DOCK1: variants seen among roughly 807,000 people sequenced by gnomAD.
DOCK1 encodes the protein dedicator of cytokinesis 1.
In DOCK1, 138 loss-of-function variants were observed where a neutral mutation model predicts 262.7. The observed-to-expected ratio is 0.53, with a 90% CI of 0.46 to 0.61. The LOEUF (loss-of-function observed/expected upper bound fraction) is 0.61. DOCK1 is among the 20% of genes least tolerant of loss of function. The pLI is 0.00. For synonymous variants in DOCK1, 866 were observed against 867.4 expected, an observed-to-expected ratio of 1.00 and a Z score of 0.03; for missense variants, 1,908 against 2,370.7, an observed-to-expected ratio of 0.80 and a Z score of 4.05.
At chr10:127,425,659 G>A (rs989882150) in intron 46 of DOCK1, among the ~76,000 whole-genome samples, 8 of 152,040 alleles carry the variant, frequency 5.3e-5, no homozygotes, top group South Asian at 2.1e-4. Context: ...GGTGTAGGGC[G>A]CACCACACTG....
At chr10:127,323,882 GC>G (rs946651177) in intron 29 of DOCK1, among the ~76,000 whole-genome samples, 23 of 152,248 alleles carry the variant, frequency 1.5e-4, no homozygotes, top group African/African-American at 5.3e-4. Flanking sequence ...TGGCATCTGA[GC>G]TGGTGTTCAG....
At chr10:127,059,242 T>C (rs529981216) in intron 22 of DOCK1, among the ~76,000 whole-genome samples, 2 of 152,318 alleles carry the variant, frequency 1.3e-5, no homozygotes, top group South Asian at 4.1e-4. Context: ...GTTTGTCTCC[T>C]TTTCTGTGGT....
intron 4 of DOCK1, among the ~76,000 whole-genome samples, chr10:126,986,858 C>G (rs532779698): frequency 6.6e-6 from 1 of 152,026 alleles, no homozygotes; most frequent in East Asian, 1.9e-4. Context: ...TGCAGTGAGC[C>G]GAGATTGCAC....
At chr10:127,374,858 TC>T (rs1458771906) in intron 35 of DOCK1, among the ~76,000 whole-genome samples, 1 of 151,970 alleles carries the variant, frequency 6.6e-6, no homozygotes, top group Non-Finnish European at 1.5e-5. Context: ...CCAGGAAGGA[TC>T]CCCCCCTAGA....
intron 1 of DOCK1, among the ~76,000 whole-genome samples, chr10:126,964,423 G>T (rs892450381): frequency 3.3e-5 from 5 of 152,190 alleles, no homozygotes; most frequent in African/African-American, 1.2e-4. Context: ...GAGACCAGGC[G>T]GATGGCCCTA....
At chr10:127,158,130 T>C (rs1823700861) in intron 27 of DOCK1, among the ~76,000 whole-genome samples, 1 of 152,202 alleles carries the variant, frequency 6.6e-6, no homozygotes, top group Non-Finnish European at 1.5e-5. Context: ...GTTCTCCAAA[T>C]AGAGATGAAA....
chr10:127,442,568 T>TG (rs2070244325), intron 49 of DOCK1, among the ~76,000 whole-genome samples: 1 of 151,706 alleles, frequency 6.6e-6, no homozygotes, highest in East Asian at 1.9e-4. Context: ...AGGGCTTAGG[T>TG]GGGGGAAAGT....
chr10:127,215,021 G>C (rs1383974445), intron 27 of DOCK1, among the ~76,000 whole-genome samples: 1 of 152,142 alleles, frequency 6.6e-6, no homozygotes, highest in African/African-American at 2.4e-5. Flanking sequence ...ATCGTGTACA[G>C]TCTCCCTCGG....
intron 27 of DOCK1, among the ~76,000 whole-genome samples, chr10:127,161,954 T>A (rs1488222181): frequency 1.3e-5 from 2 of 152,242 alleles, no homozygotes; most frequent in Non-Finnish European, 2.9e-5. Flanking sequence ...TCCTGACAGT[T>A]AAGTAAAACT....
At chr10:127,229,007 T>C (rs2058742462) in intron 27 of DOCK1, among the ~76,000 whole-genome samples, 1 of 151,984 alleles carries the variant, frequency 6.6e-6, no homozygotes. Context: ...CTTAGGCGGG[T>C]GGATCACCTG....
At chr10:127,331,820 A>T (rs1415631887) in intron 29 of DOCK1, among the ~76,000 whole-genome samples, 2 of 152,228 alleles carry the variant, frequency 1.3e-5, no homozygotes, top group African/African-American at 4.8e-5. Flanking sequence ...ACGATGTGGC[A>T]TATGCATCCC....
intron 10 of DOCK1, among the ~76,000 whole-genome samples, chr10:127,008,177 A>G (rs1342907967): frequency 6.6e-6 from 1 of 152,106 alleles, no homozygotes; most frequent in Non-Finnish European, 1.5e-5. Context: ...TGTTCACTGC[A>G]ACCTCCACCT....
At chr10:127,125,124 A>G (rs1025352394) in intron 25 of DOCK1, among the ~76,000 whole-genome samples, 1 of 152,116 alleles carries the variant, frequency 6.6e-6, no homozygotes, top group Admixed American at 6.5e-5. Flanking sequence ...CTCAAAAACA[A>G]AACAACAACA....
chr10:127,071,570 G>C (rs769061016), intron 23 of DOCK1, among the ~76,000 whole-genome samples: 1 of 152,090 alleles, frequency 6.6e-6, no homozygotes, highest in African/African-American at 2.4e-5. Context: ...TGCAACCTGC[G>C]TAGTTTTTGG....
intron 29 of DOCK1, among the ~76,000 whole-genome samples, chr10:127,326,126 A>T (rs959146785): frequency 2.6e-5 from 4 of 152,222 alleles, no homozygotes; most frequent in African/African-American, 9.6e-5. Flanking sequence ...GTCAATGTTG[A>T]TGGCTGCTGA....
chr10:127,350,499 A>G (rs1448759817), intron 31 of DOCK1, among the ~76,000 whole-genome samples: 1 of 152,210 alleles, frequency 6.6e-6, no homozygotes, highest in African/African-American at 2.4e-5. Flanking sequence ...TTATTGTCCT[A>G]GAGAACTCCT....
chr10:127,277,913 A>G (rs2135246885), intron 29 of DOCK1, among the ~76,000 whole-genome samples: 1 of 142,502 alleles, frequency 7.0e-6, no homozygotes, highest in Admixed American at 7.2e-5. Context: ...ATTCGTTTTC[A>G]TGTAAAAGTC....
intron 29 of DOCK1, among the ~76,000 whole-genome samples, chr10:127,282,233 CTCTG>C (rs980706373): frequency 2.8e-4 from 42 of 151,910 alleles, no homozygotes; most frequent in African/African-American, 9.4e-4. Flanking sequence ...CTCTCTCTCT[CTCTG>C]TCTGTCTCTT....
chr10:127,094,347 A>G (rs1309312904), intron 23 of DOCK1, among the ~76,000 whole-genome samples: 1 of 152,200 alleles, frequency 6.6e-6, no homozygotes, highest in African/African-American at 2.4e-5. Context: ...TCACAATTCC[A>G]TGCACTGCAT....
Sources: gnomAD v4.1 joint callset for allele counts (sites outside exome capture counted in the v4.1 genomes callset) on GRCh38, gnomAD v4.1.1 for gene constraint, MANE v1.5 for transcripts, NCBI Gene and HGNC (gene_info 2026-07-23, HGNC 2026-07-21) for gene names.